KCNH7: variants seen among roughly 807,000 people sequenced by gnomAD.
KCNH7 encodes potassium voltage-gated channel subfamily H member 7.
In KCNH7, 49 loss-of-function variants were observed where a neutral mutation model predicts 120.8. The observed-to-expected ratio is 0.41, with a 90% CI of 0.32 to 0.51. The LOEUF (loss-of-function observed/expected upper bound fraction) is 0.51. Among genes scored for constraint, KCNH7 ranks in the 20% least tolerant of loss-of-function variants. The pLI is 0.38. For missense variants in KCNH7, 1,097 were observed against 1,446.6 expected, an observed-to-expected ratio of 0.76 and a Z score of 3.92; for synonymous variants, 547 against 516.1, an observed-to-expected ratio of 1.06 and a Z score of -0.81.
intron 2 of KCNH7, among the ~76,000 whole-genome samples, chr2:162,767,712 A>G (rs1372119265): frequency 8.5e-5 from 13 of 152,214 alleles, no homozygotes; most frequent in African/African-American, 2.4e-4. Flanking sequence ...CAGTTTTATC[A>G]TATCCCACTG....
intron 2 of KCNH7, among the ~76,000 whole-genome samples, chr2:162,757,015 A>G (rs1470642180): frequency 1.3e-5 from 2 of 152,236 alleles, no homozygotes; most frequent in Non-Finnish European, 2.9e-5. Flanking sequence ...AGTCCTGTGT[A>G]CATTCCACTG....
intron 11 of KCNH7, 139 bp downstream of exon 11, chr2:162,396,601 G>A (rs537698176): frequency 1.6e-6 from 1 of 626,042 alleles, no homozygotes; most frequent in African/African-American, 1.9e-5. Context: ...TTAATATTCA[G>A]TTGGCCTTTC....
chr2:162,628,613 G>GCCC (rs1428325090), intron 2 of KCNH7, among the ~76,000 whole-genome samples: 1 of 151,648 alleles, frequency 6.6e-6, no homozygotes, highest in African/African-American at 2.4e-5. Context: ...CCTTCAATAG[G>GCCC]CCCCCGTGTG....
At chr2:162,810,017 G>A (rs866306241) in intron 2 of KCNH7, among the ~76,000 whole-genome samples, 1,020 of 70,980 alleles carry the variant, frequency 0.014, 309 homozygotes, top group African/African-American at 0.044. Context: ...CCGGGTTCAC[G>A]CCATTCTCCT....
intron 2 of KCNH7, among the ~76,000 whole-genome samples, chr2:162,547,743 A>G (rs958847905): frequency 2.0e-5 from 3 of 149,044 alleles, no homozygotes; most frequent in African/African-American, 7.5e-5. Context: ...GCCTTCATTT[A>G]CACCTATTAA....
At chr2:162,794,543 C>T (rs1446159950) in intron 2 of KCNH7, among the ~76,000 whole-genome samples, 1 of 152,046 alleles carries the variant, frequency 6.6e-6, no homozygotes, top group African/African-American at 2.4e-5. Flanking sequence ...AGAAAAACTT[C>T]TGCAAATATT....
At chr2:162,764,001 C>T (rs1307488556) in intron 2 of KCNH7, among the ~76,000 whole-genome samples, 1 of 151,812 alleles carries the variant, frequency 6.6e-6, no homozygotes, top group Non-Finnish European at 1.5e-5. Context: ...TTCCTCTGTC[C>T]TAAGGAAAGA....
chr2:162,395,182 G>A (rs182868106), intron 11 of KCNH7, among the ~76,000 whole-genome samples: 102 of 151,748 alleles, frequency 6.7e-4, no homozygotes, highest in Non-Finnish European at 1.1e-3. Context: ...TAGTTTTTGT[G>A]GAGTCAAAAG....
At position 162,738,311 on chromosome 2, in the gene KCNH7, C is replaced by T. The variant is rs1210738162; in HGVS notation, c.307+98226G>A. On this transcript the variant is annotated intron_variant, in intron 2 of 15. Transcript: ENST00000332142. Reference sequence around the variant, plus strand: ...CCCTACTCCCTCTGTGTATAACTGCCATTGAGTAAGCTCATGACGACCTAC... The same window carrying T: ...CCCTACTCCCTCTGTGTATAACTGCTATTGAGTAAGCTCATGACGACCTAC... Among the ~76,000 whole-genome samples the T allele has an allele frequency of 2.0e-5, 3 of 152,234 alleles. No homozygotes were observed. In the East Asian group the frequency reaches 5.8e-4, roughly 30 times the overall value.
chr2:162,552,414 CAA>C (rs1021841205), intron 2 of KCNH7, among the ~76,000 whole-genome samples: 1 of 151,872 alleles, frequency 6.6e-6, no homozygotes, highest in Admixed American at 6.6e-5. Flanking sequence ...AAAATAAGAA[CAA>C]AAAAAGACAG....
intron 2 of KCNH7, among the ~76,000 whole-genome samples, chr2:162,621,652 T>C (rs1318627180): frequency 1.3e-5 from 2 of 152,190 alleles, no homozygotes; most frequent in African/African-American, 4.8e-5. Context: ...TATTCAGTAC[T>C]TACTCTGTGC....
intron 2 of KCNH7, among the ~76,000 whole-genome samples, chr2:162,789,042 C>T (rs182970360): frequency 9.5e-4 from 139 of 146,954 alleles, no homozygotes; most frequent in African/African-American, 2.9e-3. Context: ...GAATACTGTA[C>T]CTAGCAAAGG....
intron 2 of KCNH7, among the ~76,000 whole-genome samples, chr2:162,720,804 C>T (rs1008048084): frequency 6.6e-6 from 1 of 151,978 alleles, no homozygotes; most frequent in Admixed American, 6.6e-5. Flanking sequence ...TGTTTGTCTT[C>T]GACATGAGTG....
At chr2:162,744,617 G>C (rs1207579745) in intron 2 of KCNH7, among the ~76,000 whole-genome samples, 1 of 143,188 alleles carries the variant, frequency 7.0e-6, no homozygotes, top group Non-Finnish European at 1.5e-5. Context: ...CTGTCGCCCA[G>C]GCTGGAATGC....
intron 2 of KCNH7, among the ~76,000 whole-genome samples, chr2:162,681,485 A>G (rs1685708821): frequency 6.6e-6 from 1 of 151,744 alleles, no homozygotes; most frequent in Admixed American, 6.6e-5. Flanking sequence ...ACTGTTCTCT[A>G]TGTATATTTC....
chr2:162,677,982 T>A (rs561951693), intron 2 of KCNH7, among the ~76,000 whole-genome samples: 76 of 151,664 alleles, frequency 5.0e-4, no homozygotes, highest in South Asian at 2.9e-3. Flanking sequence ...TGGATTGTTA[T>A]CAAGTTATTT....
intron 2 of KCNH7, among the ~76,000 whole-genome samples, chr2:162,830,075 G>A (rs1218691283): frequency 6.6e-6 from 1 of 152,122 alleles, no homozygotes; most frequent in Non-Finnish European, 1.5e-5. Context: ...CTGGAGCCTA[G>A]AACCAAGTGC....
At chr2:162,577,348 C>CCTAT (rs71009364) in intron 2 of KCNH7, among the ~76,000 whole-genome samples, 21,561 of 131,112 alleles carry the variant, frequency 0.16, 1,734 homozygotes, top group East Asian at 0.29. Context: ...ATCTATCCAT[C>CCTAT]CTATCTATCT....
At chr2:162,651,967 T>A (rs897511497) in intron 2 of KCNH7, among the ~76,000 whole-genome samples, 10 of 152,220 alleles carry the variant, frequency 6.6e-5, no homozygotes, top group Non-Finnish European at 1.3e-4. Flanking sequence ...ATATTGAGCT[T>A]TTTTTCATAT....
Sources: allele counts gnomAD v4.1 joint callset (sites outside exome capture counted in the v4.1 genomes callset), GRCh38; gene constraint gnomAD v4.1.1; transcripts MANE v1.5; gene names NCBI Gene and HGNC (gene_info 2026-07-23, HGNC 2026-07-21).